CDC16: variants seen among roughly 807,000 people sequenced by gnomAD.
CDC16 encodes cell division cycle 16, also known as cell division cycle protein 16 homolog.
In CDC16, 34 loss-of-function variants were observed where a neutral mutation model predicts 87.0. The observed-to-expected ratio is 0.39, with a 90% confidence interval of 0.30 to 0.52. The LOEUF (loss-of-function observed/expected upper bound fraction) is 0.52. Among genes scored for constraint, CDC16 ranks in the 20% least tolerant of loss-of-function variants. The pLI, the probability that CDC16 is intolerant of heterozygous loss-of-function variation, is 0.74. For synonymous variants in CDC16, 263 were observed against 260.6 expected, an observed-to-expected ratio of 1.01 and a Z score of -0.09; for missense variants, 653 against 751.9, an observed-to-expected ratio of 0.87 and a Z score of 1.54.
At chr13:114,254,892 CACTT>C (rs565212163) in intron 12 of CDC16, among the ~76,000 whole-genome samples, 4 of 152,188 alleles carry the variant, frequency 2.6e-5, no homozygotes, top group Non-Finnish European at 5.9e-5. Context: ...TAAGAAGAAA[CACTT>C]ACCATCTATC....
In CDC16 at chr13:114,236,648, C is replaced by T; in HGVS notation, c.52C>T (p.Gln18Ter). The T allele has an allele frequency of 6.2e-7, 1 of 1,600,724 alleles. No individual in the cohort carries two copies. Among genetic ancestry groups the T allele is most frequent in the Non-Finnish European group, 8.5e-7 (1 of 1,175,410 alleles). The change falls in exon 2 of 18, where the codon CAG becomes TAG. Residue 18 changes from glutamine (Q) to a stop codon, truncating the protein, a stop_gained. Coordinates refer to ENST00000356221, the MANE Select transcript of CDC16 (RefSeq NM_001078645.3). LOFTEE classifies it high-confidence loss of function. ...KRVRQYLDQQ[Q>*]YQSALFWADK... ...TTTTTTTTTTTTTGGTATGCAGCAA[C>T]AGTATCAAAGTGCTCTATTTTGGGC...
At chr13:114,263,691 A>T (rs2083001001) in intron 16 of CDC16, among the ~76,000 whole-genome samples, 5 of 152,204 alleles carry the variant, frequency 3.3e-5, no homozygotes, top group Admixed American at 3.3e-4. Context: ...ACACACGCCC[A>T]GTTCCTGACT....
intron 1 of CDC16, among the ~76,000 whole-genome samples, chr13:114,235,944 A>G (rs186211656): frequency 6.6e-6 from 1 of 152,312 alleles, no homozygotes; most frequent in East Asian, 1.9e-4. Context: ...TATTGAGCAT[A>G]TTTATAACTA....
chr13:114,239,276 C>G, intron 4 of CDC16, 74 bp from the exon 5 acceptor site: 1 of 1,534,098 alleles, frequency 6.5e-7, no homozygotes, highest in Middle Eastern at 1.8e-4. Context: ...TATATGTTAT[C>G]CTTTAAAAAT....
At chr13:114,242,566 G>A (rs913357390) in intron 6 of CDC16, 4 of 299,186 alleles carry the variant, frequency 1.3e-5, no homozygotes, top group Admixed American at 4.8e-5. Context: ...ATTCTCAACC[G>A]TGTTGCTCTT....
At chr13:114,257,878 C>T (rs1283415904) in intron 13 of CDC16, among the ~76,000 whole-genome samples, 1 of 152,056 alleles carries the variant, frequency 6.6e-6, no homozygotes, top group Non-Finnish European at 1.5e-5. Flanking sequence ...TCTCTGCCTC[C>T]CAGGTTCAAG....
chr13:114,263,072 T>C, intron 16 of CDC16, 58 bp downstream of exon 16: 2 of 1,464,646 alleles, frequency 1.4e-6, no homozygotes, highest in East Asian at 2.3e-5. Flanking sequence ...ACTTCCTTTT[T>C]TGAAAATATT....
intron 12 of CDC16, among the ~76,000 whole-genome samples, chr13:114,256,091 AG>A (rs921210128): frequency 6.6e-6 from 1 of 152,234 alleles, no homozygotes; most frequent in Non-Finnish European, 1.5e-5. Flanking sequence ...AGCTAGGGAA[AG>A]GGAGATGGGA....
intron 11 of CDC16, among the ~76,000 whole-genome samples, chr13:114,249,989 T>C (rs1432848576): frequency 6.6e-6 from 1 of 152,196 alleles, no homozygotes. Context: ...TGGATGTTAA[T>C]GTTTTTGAGG....
chr13:114,269,207 C>G (rs2083443140), intron 17 of CDC16, among the ~76,000 whole-genome samples: 1 of 152,136 alleles, frequency 6.6e-6, no homozygotes, highest in Non-Finnish European at 1.5e-5. Flanking sequence ...GGTGCTGAGT[C>G]TCTCTCTGTG....
chr13:114,265,889 C>T (rs1185468536), intron 17 of CDC16, among the ~76,000 whole-genome samples: 1 of 152,068 alleles, frequency 6.6e-6, no homozygotes, highest in East Asian at 1.9e-4. Context: ...AACCTCTGCC[C>T]ACCGCAACCC....
rs1033101309 is a variant in CDC16 at position 114,243,704 on chromosome 13, G to A, written c.634-152G>A. ...AGAAGGGAATTAAACTTACTGAGAG[G>A]AGTACTTATAAAACCTAAAGTTATA... On this transcript the variant is annotated intron_variant, in intron 7 of 17. Transcript: ENST00000356221. 4.3e-5 allele frequency: 25 copies of A among 584,022 alleles called. 1 individual carries two copies. The Admixed American group carries it at 8.6e-4, about 20-fold the overall frequency. 36.2% of individuals were successfully genotyped at this position (584,022 alleles called of 1,614,324 possible).
chr13:114,244,536 AGTG>A (rs1283507232), intron 8 of CDC16: 2 of 179,350 alleles, frequency 1.1e-5, no homozygotes, highest in Admixed American at 1.2e-4. Context: ...TGTTGAACGT[AGTG>A]GTAAAACTGC....
intron 7 of CDC16, 28 bp from the exon 8 acceptor site, chr13:114,243,828 T>C: frequency 6.3e-7 from 1 of 1,582,986 alleles, no homozygotes. Flanking sequence ...GCTCATTGAG[T>C]TTATGTTTAC....
intron 17 of CDC16, among the ~76,000 whole-genome samples, chr13:114,270,686 C>T (rs1159363256): frequency 1.3e-5 from 2 of 152,124 alleles, no homozygotes; most frequent in African/African-American, 4.8e-5. Flanking sequence ...ACACTTGACT[C>T]TTGGTTTTAG....
chr13:114,245,893 A>G (rs956700770), intron 9 of CDC16, 107 bp from the exon 10 acceptor site: 1 of 667,040 alleles, frequency 1.5e-6, no homozygotes, highest in African/African-American at 1.9e-5. Flanking sequence ...GTATGAAATC[A>G]TTGCTGTAAG....
intron 5 of CDC16, among the ~76,000 whole-genome samples, chr13:114,240,436 C>G (rs996140300): frequency 2.0e-5 from 3 of 152,186 alleles, no homozygotes; most frequent in Non-Finnish European, 4.4e-5. Flanking sequence ...GTCTCGATCT[C>G]CTGACCTCGT....
chr13:114,258,400 A>T (rs1301151088), intron 13 of CDC16, among the ~76,000 whole-genome samples: 1 of 152,232 alleles, frequency 6.6e-6, no homozygotes. Context: ...CAGTTCAACT[A>T]TAAACCAGTG....
intron 11 of CDC16, among the ~76,000 whole-genome samples, chr13:114,249,238 C>T (rs1038627065): frequency 6.6e-6 from 1 of 151,758 alleles, no homozygotes; most frequent in African/African-American, 2.4e-5. Context: ...ATAGGGTTTG[C>T]GCACTTACGA....
Sources: allele counts gnomAD v4.1 joint callset (sites outside exome capture counted in the v4.1 genomes callset), GRCh38; gene constraint gnomAD v4.1.1; transcripts MANE v1.5; gene names NCBI Gene and HGNC (gene_info 2026-07-23, HGNC 2026-07-21).